The following POLR2D variants were observed in gnomAD, a reference collection of about 807,000 sequenced individuals.
The protein encoded by POLR2D is RNA polymerase II subunit D.
POLR2D carries 10 observed loss-of-function variants against 17.6 expected under a neutral mutation model. That is an observed-to-expected ratio of 0.57 (90% CI 0.35 to 0.96). The LOEUF (loss-of-function observed/expected upper bound fraction) is 0.96, where lower values mean the gene tolerates loss of function less well. Among genes scored for constraint, POLR2D ranks in the 40% least tolerant of loss-of-function variants. The probability of loss-of-function intolerance (pLI) is 0.02; values close to 1 mark genes in which losing one functional copy is unlikely to be tolerated. For missense variants in POLR2D, 126 were observed against 176.4 expected (o/e 0.71, Z 1.62); for synonymous variants, 52 against 60.2 (o/e 0.86, Z 0.63).
intron 3 of POLR2D, 144 bp from the exon 4 acceptor site, chr2:127,848,329 T>C: frequency 1.7e-6 from 1 of 583,448 alleles, no homozygotes; most frequent in Non-Finnish European, 3.1e-6. Context: ...TGATAAAACA[T>C]TACAAAATAT....
chr2:127,857,791 C>A, intron 1 of POLR2D: 5 of 1,302,414 alleles, frequency 3.8e-6, no homozygotes, highest in Non-Finnish European at 4.9e-6. Flanking sequence ...CTTTGTTTAT[C>A]TTTGACACAG....
At chr2:127,855,571 C>T (rs1458907006) in intron 1 of POLR2D, among the ~76,000 whole-genome samples, 1 of 152,114 alleles carries the variant, frequency 6.6e-6, no homozygotes, top group Non-Finnish European at 1.5e-5. Flanking sequence ...TCCCTTCAAC[C>T]AAGGAAGGTC....
rs147227723 is a variant in POLR2D, at chr2:127,852,766, G to A, written c.254+159C>T. Among the ~76,000 whole-genome samples the A allele has an allele frequency of 6.0e-3, 911 of 152,252 alleles. 2 individuals carry two copies. Among genetic ancestry groups the A allele is most frequent in the South Asian group, 0.022 (104 of 4,818 alleles). On this transcript the variant is annotated intron_variant, in intron 2 of 3. Coordinates refer to ENST00000272645, the MANE Select transcript of POLR2D (RefSeq NM_004805.4). This position sits in a 1 kb window ranked among gnomAD's most constrained non-coding sequence, Gnocchi z 4.0. ...AACACCTGGCCTCAAGTGATCTGCT[G>A]CCTCAACCTTCCAAAGTGCTGGGTG...
Position 127,852,249 on chromosome 2 carries a change from C to A in POLR2D, c.254+676G>T, listed in dbSNP as rs1232732517. ...ATTTAGATCACACATACTGGACTTA[C>A]ACAAAATATGACAGATTCATATTTG... On this transcript the variant is annotated intron_variant, in intron 2 of 3. Coordinates refer to ENST00000272645, the MANE Select transcript of POLR2D (RefSeq NM_004805.4). The surrounding 1 kb of genome is among the most constrained non-coding windows in gnomAD (Gnocchi z 4.0). Among the ~76,000 whole-genome samples, 4 of 152,136 alleles carry A rather than the reference C, an allele frequency of 2.6e-5. No homozygotes were observed. Among genetic ancestry groups the A allele is most frequent in the Non-Finnish European group, 5.9e-5 (4 of 68,022 alleles).
chr2:127,857,870 G>A (rs1225749629), intron 1 of POLR2D, 158 bp downstream of exon 1: 5 of 1,345,052 alleles, frequency 3.7e-6, no homozygotes, highest in Non-Finnish European at 3.8e-6. Context: ...CCAAGGCCAT[G>A]GTCCCTCCCA....
At chr2:127,850,777 C>T (rs892051080) in intron 2 of POLR2D, 92 bp from the exon 3 acceptor site, 6 of 662,168 alleles carry the variant, frequency 9.1e-6, no homozygotes, top group South Asian at 3.6e-5. Context: ...AGGGATCAAA[C>T]GTAGCTAGTA....
chr2:127,847,980 G>T lies in POLR2D; in HGVS notation c.*127C>A. Reference sequence around the variant, plus strand: ...GCAACCTAACCCCACGCCAAGCTGGGCTGTTTTCTCCAAAGGAATTCTCAA... The same window carrying T: ...GCAACCTAACCCCACGCCAAGCTGGTCTGTTTTCTCCAAAGGAATTCTCAA... On this transcript the variant is annotated 3_prime_UTR_variant, in exon 4 of 4. Transcript: ENST00000272645. 1 of 741,070 alleles carries T rather than the reference G, an allele frequency of 1.3e-6. No homozygotes were observed. The highest frequency in any genetic ancestry group is 2.4e-6 in the Non-Finnish European group (1 of 408,324). 45.9% of individuals were successfully genotyped at this position (741,070 alleles called of 1,614,324 possible).
At chr2:127,855,809 A>G (rs1452452826) in intron 1 of POLR2D, among the ~76,000 whole-genome samples, 3 of 152,142 alleles carry the variant, frequency 2.0e-5, no homozygotes, top group Non-Finnish European at 4.4e-5. Context: ...ACATACACAC[A>G]CACACACACA....
intron 3 of POLR2D, 73 bp from the exon 4 acceptor site, chr2:127,848,258 A>G: frequency 1.1e-6 from 1 of 880,528 alleles, no homozygotes; most frequent in South Asian, 1.5e-5. Context: ...GAGGCGTGCT[A>G]ATCTACTGCC....
chr2:127,853,209 A>G (rs1690277479), intron 1 of POLR2D, 104 bp from the exon 2 acceptor site: 1 of 921,068 alleles, frequency 1.1e-6, no homozygotes, highest in Non-Finnish European at 1.7e-6. Context: ...GCAGAAATCG[A>G]GGGGTTTCCT....
At chr2:127,850,463 A>AAAAAAAAAC (rs1690234018) in intron 3 of POLR2D, 127 bp downstream of exon 3, 1 of 399,280 alleles carries the variant, frequency 2.5e-6, no homozygotes, top group Non-Finnish European at 4.7e-6. Context: ...AAAAAAAAAA[A>AAAAAAAAAC]AGGCACTTTC....
In POLR2D at chr2:127,845,789, T is replaced by C. The variant is rs927754086; in HGVS notation, c.*2318A>G. 2.0e-5 allele frequency: 3 copies of C among 152,222 alleles called. No individual in the cohort carries two copies. The highest frequency in any genetic ancestry group is 4.8e-5 in the African/African-American group (2 of 41,460). 9.4% of individuals were successfully genotyped at this position (152,222 alleles called of 1,614,324 possible). A position where few individuals can be genotyped will look rare whatever the true frequency, so the allele number is the denominator to read the frequency against. On this transcript the variant is annotated 3_prime_UTR_variant, in exon 4 of 4. Coordinates refer to ENST00000272645, the MANE Select transcript of POLR2D (RefSeq NM_004805.4). Reference sequence around the variant, plus strand: ...ATCTATCTATACTAGCTCATCTGCCTGAGATGCTAAGAATAGTGAACATTT... The same window carrying C: ...ATCTATCTATACTAGCTCATCTGCCCGAGATGCTAAGAATAGTGAACATTT...
chr2:127,858,006 G>T (rs1053570338), intron 1 of POLR2D, 22 bp downstream of exon 1: 1 of 1,576,694 alleles, frequency 6.3e-7, no homozygotes. Flanking sequence ...GCGCGGGGGA[G>T]TCTGGCAGCC....
chr2:127,850,350 G>A (rs1243801795), intron 3 of POLR2D, among the ~76,000 whole-genome samples: 1 of 140,662 alleles, frequency 7.1e-6, no homozygotes, highest in African/African-American at 2.7e-5. Context: ...TGAGGCAGGA[G>A]AATCGCTTGA....
intron 2 of POLR2D, among the ~76,000 whole-genome samples, chr2:127,851,979 A>G (rs1690259718): frequency 6.6e-6 from 1 of 152,108 alleles, no homozygotes; most frequent in African/African-American, 2.4e-5. Flanking sequence ...TTAGTAGACG[A>G]GATTTCACCA....
At chr2:127,858,004 G>T in intron 1 of POLR2D, 24 bp downstream of exon 1, 1 of 1,576,502 alleles carries the variant, frequency 6.3e-7, no homozygotes, top group Non-Finnish European at 8.6e-7. Context: ...TGGCGCGGGG[G>T]AGTCTGGCAG....
chr2:127,848,100 T>C lies in POLR2D; in HGVS notation c.*7A>G, dbSNP rs1393909476. 2.5e-6 allele frequency: 4 copies of C among 1,590,792 alleles called. No homozygotes were observed. The highest frequency in any genetic ancestry group is 2.2e-5 in the East Asian group (1 of 44,782). Reference sequence around the variant, plus strand: ...TGGTTTCTCCGAGCAGCAGTGATGTTTGGAGATTAATACTGAAAGCTGCGC... The same window carrying C: ...TGGTTTCTCCGAGCAGCAGTGATGTCTGGAGATTAATACTGAAAGCTGCGC... On this transcript the variant is annotated 3_prime_UTR_variant, in exon 4 of 4. Coordinates refer to ENST00000272645, the MANE Select transcript of POLR2D (RefSeq NM_004805.4).
intron 3 of POLR2D, 73 bp from the exon 4 acceptor site, chr2:127,848,258 A>C (rs1690187231): frequency 2.3e-6 from 2 of 880,528 alleles, no homozygotes; most frequent in East Asian, 2.4e-5. Context: ...GAGGCGTGCT[A>C]ATCTACTGCC....
rs977358425 is a variant in POLR2D at position 127,846,840 on chromosome 2, T to G, written c.*1267A>C. 1 of 154,492 alleles carries G rather than the reference T, an allele frequency of 6.5e-6. No homozygotes were observed. Among genetic ancestry groups the G allele is most frequent in the African/African-American group, 2.4e-5 (1 of 41,458 alleles). The allele number at this position is 154,492 out of a possible 1,614,324, so 9.6% of individuals were successfully genotyped here. On this transcript the variant is annotated 3_prime_UTR_variant, in exon 4 of 4. Coordinates refer to ENST00000272645, the MANE Select transcript of POLR2D (RefSeq NM_004805.4). The stretch of plus-strand genomic sequence containing the variant: ...AGCTCAATTCCTCACCACTGTGCTG[T>G]GAATGGCACAACTCACATGGTAATG...
Sources: gnomAD v4.1 joint callset for allele counts (sites outside exome capture counted in the v4.1 genomes callset) on GRCh38, gnomAD v4.1.1 for gene constraint, Gnocchi (gnomAD v3.1) non-coding constraint, MANE v1.5 for transcripts, NCBI Gene and HGNC (gene_info 2026-07-23, HGNC 2026-07-21) for gene names.